The following CCDC91 variants were observed in gnomAD, a reference collection of about 807,000 sequenced individuals.
The protein encoded by CCDC91 is coiled-coil domain containing 91, also known as coiled-coil domain-containing protein 91.
A neutral mutation model predicts 63.2 loss-of-function variants in CCDC91; 48 were observed. The observed-to-expected ratio is 0.76, with a 90% confidence interval of 0.60 to 0.97. The LOEUF (loss-of-function observed/expected upper bound fraction) is 0.97. Among genes scored for constraint, CCDC91 ranks in the 50% least tolerant of loss-of-function variants. The pLI is 0.00. For synonymous variants in CCDC91, 167 were observed against 165.8 expected (o/e 1.01, Z -0.06); for missense variants, 500 against 494.6 (o/e 1.01, Z -0.10).
chr12:28,381,106 G>A (rs976774699), intron 7 of CCDC91, among the ~76,000 whole-genome samples: 6 of 151,898 alleles, frequency 4.0e-5, no homozygotes, highest in African/African-American at 9.7e-5. Context: ...ATTTCTTTCC[G>A]GTTTGAATAG....
intron 1 of CCDC91, among the ~76,000 whole-genome samples, chr12:28,225,423 G>T (rs183122694): frequency 7.3e-5 from 11 of 151,436 alleles, no homozygotes; most frequent in African/African-American, 2.4e-4. Flanking sequence ...GCTGTTGACT[G>T]CCTATTTAGC....
intron 7 of CCDC91, among the ~76,000 whole-genome samples, chr12:28,366,246 A>C (rs1191125949): frequency 6.6e-6 from 1 of 152,184 alleles, no homozygotes; most frequent in Non-Finnish European, 1.5e-5. Context: ...AGGAACCATG[A>C]CACCCAAGTA....
At chr12:28,296,225 A>G (rs567554372) in intron 3 of CCDC91, among the ~76,000 whole-genome samples, 7 of 151,770 alleles carry the variant, frequency 4.6e-5, no homozygotes, top group Admixed American at 3.9e-4. Flanking sequence ...TTTTATGTTG[A>G]CTATGCTAGC....
At chr12:28,438,763 T>A (rs1949035515) in intron 8 of CCDC91, among the ~76,000 whole-genome samples, 2 of 152,028 alleles carry the variant, frequency 1.3e-5, no homozygotes, top group Non-Finnish European at 2.9e-5. Context: ...AGGATGCATT[T>A]TCAATTTATG....
chr12:28,403,472 C>T (rs1946757261), intron 8 of CCDC91, among the ~76,000 whole-genome samples: 1 of 152,032 alleles, frequency 6.6e-6, no homozygotes. Flanking sequence ...ACTCTAATTT[C>T]ATGTGGCAGA....
chr12:28,523,594 TG>T (rs1319258535), intron 12 of CCDC91, among the ~76,000 whole-genome samples: 4 of 152,184 alleles, frequency 2.6e-5, no homozygotes, highest in Admixed American at 2.0e-4. Context: ...AATATTGTTA[TG>T]TGTGAATTTC....
chr12:28,285,949 T>C (rs1203518336), intron 3 of CCDC91, among the ~76,000 whole-genome samples: 1 of 152,068 alleles, frequency 6.6e-6, no homozygotes, highest in Non-Finnish European at 1.5e-5. Flanking sequence ...AGAAAAATAA[T>C]GTTGTTCTGC....
At chr12:28,254,835 G>A (rs1475418668) in intron 1 of CCDC91, among the ~76,000 whole-genome samples, 3 of 148,118 alleles carry the variant, frequency 2.0e-5, no homozygotes, top group Non-Finnish European at 3.0e-5. Flanking sequence ...GCAATGGTGC[G>A]ATCTCGGCTC....
chr12:28,275,695 T>C (rs1948160163), intron 3 of CCDC91, among the ~76,000 whole-genome samples: 1 of 152,260 alleles, frequency 6.6e-6, no homozygotes, highest in African/African-American at 2.4e-5. Context: ...CCAATATCCC[T>C]GATGAACACC....
intron 12 of CCDC91, among the ~76,000 whole-genome samples, chr12:28,515,650 A>T (rs2141342396): frequency 6.6e-6 from 1 of 152,096 alleles, no homozygotes; most frequent in Admixed American, 6.6e-5. Context: ...CTTTTTATTT[A>T]GTAATGCTGA....
intron 6 of CCDC91, among the ~76,000 whole-genome samples, chr12:28,334,541 T>C (rs1941775819): frequency 6.6e-6 from 1 of 152,160 alleles, no homozygotes. Flanking sequence ...ACTAGCCTTG[T>C]TGGAATTGCT....
chr12:28,522,309 A>G (rs1393958750), intron 12 of CCDC91, among the ~76,000 whole-genome samples: 2 of 152,112 alleles, frequency 1.3e-5, no homozygotes, highest in African/African-American at 2.4e-5. Context: ...GGGAGGGTGT[A>G]TGTGTCGAGG....
chr12:28,456,040 G>C (rs1175430239), intron 11 of CCDC91, among the ~76,000 whole-genome samples: 1 of 152,034 alleles, frequency 6.6e-6, no homozygotes, highest in Non-Finnish European at 1.5e-5. Context: ...TCTCATCTTA[G>C]TATAAAGTAC....
chr12:28,309,625 G>A lies in CCDC91; in HGVS notation c.576+1876G>A, dbSNP rs143348924. Among the ~76,000 whole-genome samples the A allele has an allele frequency of 1.3e-5, 2 of 152,136 alleles. 1 individual carries two copies. Among genetic ancestry groups the A allele is most frequent in the African/African-American group, 4.8e-5 (2 of 41,556 alleles). On this transcript the variant is annotated intron_variant, in intron 6 of 12. Coordinates refer to ENST00000536442, the MANE Select transcript of CCDC91 (RefSeq NM_018318.5). ...CCTATATAAATCCTGTTCTTCAAAT[G>A]CTTCTTGAACCAGTCTTAATATTCA...
intron 1 of CCDC91, among the ~76,000 whole-genome samples, chr12:28,240,995 A>G (rs975339303): frequency 6.6e-6 from 1 of 152,126 alleles, no homozygotes; most frequent in South Asian, 2.1e-4. Context: ...GAAAAAGTGG[A>G]TCTTTCAAAC....
chr12:28,225,280 T>G (rs763475594), intron 1 of CCDC91, among the ~76,000 whole-genome samples: 3 of 152,188 alleles, frequency 2.0e-5, no homozygotes, highest in Non-Finnish European at 2.9e-5. Flanking sequence ...TATCTGAGGT[T>G]GTCATTTGGT....
chr12:28,546,669 A>G (rs1400359277), intron 12 of CCDC91, among the ~76,000 whole-genome samples: 3 of 152,120 alleles, frequency 2.0e-5, no homozygotes, highest in Non-Finnish European at 4.4e-5. Flanking sequence ...GTCTGTGAAT[A>G]TAATGCTTTA....
intron 12 of CCDC91, among the ~76,000 whole-genome samples, chr12:28,530,102 A>C (rs922619255): frequency 6.6e-6 from 1 of 152,200 alleles, no homozygotes; most frequent in African/African-American, 2.4e-5. Flanking sequence ...AACAGCATCT[A>C]TTTCCCTTCC....
At chr12:28,201,013 A>T (rs1411816757) in intron 1 of CCDC91, among the ~76,000 whole-genome samples, 2 of 93,930 alleles carry the variant, frequency 2.1e-5, no homozygotes, top group African/African-American at 7.8e-5. Flanking sequence ...TGACCCCCCC[A>T]CCTCCCTCCC....
Sources: gnomAD v4.1 joint callset for allele counts (sites outside exome capture counted in the v4.1 genomes callset) on GRCh38, gnomAD v4.1.1 for gene constraint, MANE v1.5 for transcripts, NCBI Gene and HGNC (gene_info 2026-07-23, HGNC 2026-07-21) for gene names.